Variants in NOL4L observed in about 807,000 individuals in gnomAD.
NOL4L encodes nucleolar protein 4 like, also known as nucleolar protein 4-like.
NOL4L carries 7 observed loss-of-function variants against 64.5 expected under a neutral mutation model. The observed-to-expected ratio is 0.11, with a 90% CI of 0.06 to 0.20. NOL4L has a LOEUF of 0.20. NOL4L is among the 10% of genes least tolerant of loss of function. NOL4L has a pLI of 1.00. For synonymous variants in NOL4L, 413 were observed against 401.0 expected (o/e 1.03, Z -0.36); for missense variants, 680 against 967.1 (o/e 0.70, Z 3.94).
At chr20:32,571,241 G>A in intron 1 of NOL4L, among the ~76,000 whole-genome samples, 1 of 152,208 alleles carries the variant, frequency 6.6e-6, no homozygotes. Context: ...AGGCTGGAGT[G>A]CAGTGGCGCG....
Position 32,479,566 on chromosome 20 carries a change from T to C in NOL4L, c.700-4824A>G, listed in dbSNP as rs148267294. 1.4e-3 allele frequency among the ~76,000 whole-genome samples: 207 copies of C among 152,236 alleles called. No individual in the cohort carries two copies. The Middle Eastern group carries it at 0.014, about 10-fold the overall frequency. ...GGGCAACACAGTGAGACGCTGTCTCTATTTACAAAAAAAAAGTGTGTGCAA... is the reference window on the plus strand; with the variant it reads ...GGGCAACACAGTGAGACGCTGTCTCCATTTACAAAAAAAAAGTGTGTGCAA... On this transcript the variant is annotated intron_variant, in intron 4 of 10. Coordinates refer to ENST00000621426, the MANE Select transcript of NOL4L (RefSeq NM_001256798.2).
intron 4 of NOL4L, among the ~76,000 whole-genome samples, chr20:32,505,821 T>A (rs1287201107): frequency 1.3e-5 from 2 of 152,076 alleles, no homozygotes; most frequent in Non-Finnish European, 2.9e-5. Context: ...TCCACTGACA[T>A]GAGGTGCCTA....
chr20:32,523,524 C>A lies in NOL4L; in HGVS notation c.478-2602G>T, dbSNP rs138160362. Among the ~76,000 whole-genome samples the A allele has an allele frequency of 2.1e-3, 320 of 152,270 alleles. 3 individuals are homozygous for A. The highest frequency in any genetic ancestry group is 0.02 in the Middle Eastern group (6 of 294). On this transcript the variant is annotated intron_variant, in intron 2 of 10. Coordinates refer to ENST00000621426, the MANE Select transcript of NOL4L (RefSeq NM_001256798.2). Reference sequence around the variant, plus strand: ...AAGGCCACAGGACCACAGAATGAGTCGAAACCAGGAGGACAATCCTAGCAG... The same window carrying A: ...AAGGCCACAGGACCACAGAATGAGTAGAAACCAGGAGGACAATCCTAGCAG...
intron 5 of NOL4L, among the ~76,000 whole-genome samples, chr20:32,473,449 G>A (rs2015165481): frequency 1.3e-5 from 2 of 152,162 alleles, no homozygotes; most frequent in South Asian, 2.1e-4. Context: ...CCGACCTCAC[G>A]AGGCATCAAG....
chr20:32,460,494 T>G lies in NOL4L; in HGVS notation c.842-4099A>C, dbSNP rs1455655372. Among the ~76,000 whole-genome samples the G allele has an allele frequency of 6.6e-6, 1 of 152,168 alleles. No homozygotes were observed. The highest frequency in any genetic ancestry group is 1.5e-5 in the Non-Finnish European group (1 of 68,032). On this transcript the variant is annotated intron_variant, in intron 5 of 10. Transcript: ENST00000621426. The surrounding 1 kb of genome is among the most constrained non-coding windows in gnomAD (Gnocchi z 5.7). ...TTGCCGACTGGGGAGGCCACAGGTT[T>G]GAGCCGCGGAGTGGCTGGAAGAGGC...
chr20:32,558,502 CTT>C (rs1415609117), intron 1 of NOL4L, among the ~76,000 whole-genome samples: 3 of 152,230 alleles, frequency 2.0e-5, no homozygotes, highest in African/African-American at 7.2e-5. Context: ...CTGAAGCCCT[CTT>C]GTTTTACCAA....
chr20:32,488,884 TTTC>T (rs1568649637), intron 4 of NOL4L, among the ~76,000 whole-genome samples: 22 of 131,086 alleles, frequency 1.7e-4, no homozygotes, highest in Non-Finnish European at 3.2e-5. Context: ...TCTTTCTTTC[TTTC>T]TTTCTTTCCT....
chr20:32,584,555 C>T lies in NOL4L; in HGVS notation c.321+15G>A, dbSNP rs1185718055. 5 of 1,327,994 alleles carry T rather than the reference C, an allele frequency of 3.8e-6. No homozygotes were observed. Among genetic ancestry groups the T allele is most frequent in the Non-Finnish European group, 4.8e-6 (5 of 1,033,732 alleles). The allele number at this position is 1,327,994 out of a possible 1,614,324, so 82.3% of individuals were successfully genotyped here. On this transcript the variant is annotated intron_variant, in intron 1 of 10. Coordinates refer to ENST00000621426, the MANE Select transcript of NOL4L (RefSeq NM_001256798.2). ...CGCGGCGGGACCCGCCCGCGGCCGC[C>T]GCGCGCGCACTCACCGAGCCCGTCT...
intron 1 of NOL4L, among the ~76,000 whole-genome samples, chr20:32,558,681 C>T (rs1227064457): frequency 6.6e-6 from 1 of 152,212 alleles, no homozygotes; most frequent in Non-Finnish European, 1.5e-5. Context: ...GTGGCCCTTT[C>T]CTCTGACTGG....
chr20:32,443,531 C>T lies in NOL4L; in HGVS notation c.*4065G>A, dbSNP rs2012215260. 6.6e-6 allele frequency: 1 copy of T among 152,234 alleles called. No individual in the cohort carries two copies. Among genetic ancestry groups the T allele is most frequent in the Non-Finnish European group, 1.5e-5 (1 of 68,066 alleles). 9.4% of individuals were successfully genotyped at this position (152,234 alleles called of 1,614,324 possible). A position where few individuals can be genotyped will look rare whatever the true frequency, so the allele number is the denominator to read the frequency against. On this transcript the variant is annotated 3_prime_UTR_variant, in exon 11 of 11. Transcript: ENST00000621426. ...GCCTTAAGTGCTTACTATCTGGAGC[C>T]CTGTGCCCCTCCCCGGAGGTGGGAC... is the stretch of plus-strand genomic sequence containing the variant.
chr20:32,579,221 G>A (rs1980313512), intron 1 of NOL4L, among the ~76,000 whole-genome samples: 1 of 152,196 alleles, frequency 6.6e-6, no homozygotes, highest in Non-Finnish European at 1.5e-5. Context: ...AACACGCAGA[G>A]GAGCCTCTCC....
intron 4 of NOL4L, among the ~76,000 whole-genome samples, chr20:32,478,346 T>C (rs2015530775): frequency 6.6e-6 from 1 of 152,142 alleles, no homozygotes; most frequent in Non-Finnish European, 1.5e-5. Flanking sequence ...GCATCTACTA[T>C]GTGCTGGCAC....
chr20:32,476,635 G>C (rs1257458705), intron 4 of NOL4L, among the ~76,000 whole-genome samples: 1 of 152,246 alleles, frequency 6.6e-6, no homozygotes, highest in Non-Finnish European at 1.5e-5. Context: ...CATTCGACAG[G>C]TATTTACTGA....
rs1273906448 is a variant in NOL4L, at chr20:32,534,266, C to T, written c.322-6353G>A. On this transcript the variant is annotated intron_variant, in intron 1 of 10. Transcript: ENST00000621426. Reference sequence around the variant, plus strand: ...TTAGGATAGGCCTTCTGGTGCATTTCGGATCCAGCTCTTGACAAGGAATAA... The same window carrying T: ...TTAGGATAGGCCTTCTGGTGCATTTTGGATCCAGCTCTTGACAAGGAATAA... Among the ~76,000 whole-genome samples the T allele has an allele frequency of 2.6e-5, 4 of 152,254 alleles. No individual in the cohort carries two copies. The East Asian group carries it at 7.7e-4, about 29-fold the overall frequency.
intron 4 of NOL4L, among the ~76,000 whole-genome samples, chr20:32,491,624 T>C (rs2016474172): frequency 6.6e-6 from 1 of 152,090 alleles, no homozygotes; most frequent in African/African-American, 2.4e-5. Flanking sequence ...AAGTCTTCGA[T>C]AGAGCTCAGA....
At chr20:32,566,846 T>C (rs1261271156) in intron 1 of NOL4L, among the ~76,000 whole-genome samples, 4 of 152,198 alleles carry the variant, frequency 2.6e-5, no homozygotes, top group Non-Finnish European at 5.9e-5. Flanking sequence ...TCCTTGTTTA[T>C]TGGGTACTGT....
At chr20:32,557,137 CACTACATAAAGCAGGGTCAA>C (rs1198811855) in intron 1 of NOL4L, among the ~76,000 whole-genome samples, 1 of 152,168 alleles carries the variant, frequency 6.6e-6, no homozygotes, top group Non-Finnish European at 1.5e-5. Flanking sequence ...AGAGCCTATC[CACTACATAAAGCAGGGTCAA>C]ACTGCTGAGC....
intron 1 of NOL4L, among the ~76,000 whole-genome samples, chr20:32,547,832 G>A (rs1057138998): frequency 2.6e-5 from 4 of 152,138 alleles, no homozygotes; most frequent in African/African-American, 9.7e-5. Flanking sequence ...GCACAAACCT[G>A]ACATTCCAGC....
At chr20:32,556,768 G>T (rs1215077516) in intron 1 of NOL4L, among the ~76,000 whole-genome samples, 2 of 152,178 alleles carry the variant, frequency 1.3e-5, no homozygotes, top group East Asian at 3.9e-4. Context: ...CCTGGCAGAG[G>T]TCCTGGGCCT....
Sources: gnomAD v4.1 joint callset for allele counts (sites outside exome capture counted in the v4.1 genomes callset) on GRCh38, gnomAD v4.1.1 for gene constraint, Gnocchi (gnomAD v3.1) non-coding constraint, MANE v1.5 for transcripts, NCBI Gene and HGNC (gene_info 2026-07-23, HGNC 2026-07-21) for gene names.